VPS45: variants seen among roughly 807,000 people sequenced by gnomAD.
VPS45 encodes the protein vacuolar protein sorting 45 homolog, also known as vacuolar protein sorting-associated protein 45.
VPS45 carries 35 observed loss-of-function variants against 75.9 expected under a neutral mutation model. The observed-to-expected ratio is 0.46, with a 90% confidence interval of 0.35 to 0.61. The LOEUF (loss-of-function observed/expected upper bound fraction) is 0.61, where lower values mean the gene tolerates loss of function less well. Ranked by LOEUF, VPS45 falls within the 20% of genes least tolerant of loss-of-function variation. VPS45 has a pLI of 0.00. For synonymous variants in VPS45, 220 were observed against 238.2 expected, an observed-to-expected ratio of 0.92 and a Z score of 0.70; for missense variants, 559 against 685.9, an observed-to-expected ratio of 0.81 and a Z score of 2.07.
intron 14 of VPS45, among the ~76,000 whole-genome samples, chr1:150,111,821 T>C (rs587769357): frequency 6.6e-6 from 1 of 152,338 alleles, no homozygotes; most frequent in Non-Finnish European, 1.5e-5. Context: ...TACGTTTTAG[T>C]GTTTTCAGGC....
At chr1:150,120,255 C>A (rs1015956308) in intron 14 of VPS45, among the ~76,000 whole-genome samples, 5 of 152,258 alleles carry the variant, frequency 3.3e-5, no homozygotes, top group African/African-American at 1.2e-4. Flanking sequence ...CAGAAAATAA[C>A]AAGTACCCTT....
At chr1:150,111,112 A>G (rs1657626568) in intron 14 of VPS45, among the ~76,000 whole-genome samples, 1 of 152,234 alleles carries the variant, frequency 6.6e-6, no homozygotes. Flanking sequence ...AATAATCTAA[A>G]GATCCTACCT....
intron 2 of VPS45, among the ~76,000 whole-genome samples, chr1:150,070,664 C>A (rs1655009874): frequency 6.6e-6 from 1 of 150,446 alleles, no homozygotes; most frequent in Non-Finnish European, 1.5e-5. Context: ...AAAAAATTAG[C>A]CAGGCATGGT....
chr1:150,088,160 C>A, intron 10 of VPS45, among the ~76,000 whole-genome samples: 1 of 152,000 alleles, frequency 6.6e-6, no homozygotes, highest in East Asian at 1.9e-4. Flanking sequence ...CAATAGAACA[C>A]CAGAACATAT....
At chr1:150,089,900 C>T (rs1279078202) in intron 10 of VPS45, among the ~76,000 whole-genome samples, 1 of 151,916 alleles carries the variant, frequency 6.6e-6, no homozygotes, top group African/African-American at 2.4e-5. Context: ...CTTTTTGATC[C>T]CTTAAGGATG....
upstream of VPS45, chr1:150,067,542 G>GA (rs1346717960): frequency 1.5e-5 from 5 of 333,756 alleles, no homozygotes; most frequent in African/African-American, 6.4e-5. Flanking sequence ...GCTGCCGCTG[G>GA]GCCTCCAGCA....
At chr1:150,069,690 T>A (rs951506939) in intron 2 of VPS45, among the ~76,000 whole-genome samples, 2 of 152,126 alleles carry the variant, frequency 1.3e-5, no homozygotes, top group Non-Finnish European at 2.9e-5. Flanking sequence ...TCTCCTGACC[T>A]CATGATCCGC....
At chr1:150,140,223 C>G (rs1659312482) in intron 14 of VPS45, among the ~76,000 whole-genome samples, 1 of 152,160 alleles carries the variant, frequency 6.6e-6, no homozygotes, top group Admixed American at 6.5e-5. Flanking sequence ...GTTTTAAAAT[C>G]TCACACCACT....
At chr1:150,127,498 G>A (rs1658579638) in intron 14 of VPS45, among the ~76,000 whole-genome samples, 1 of 152,114 alleles carries the variant, frequency 6.6e-6, no homozygotes. Flanking sequence ...ATGTTGTCCA[G>A]ACTGGTCTCA....
chr1:150,114,689 A>G (rs190028526), intron 14 of VPS45, among the ~76,000 whole-genome samples: 6 of 152,066 alleles, frequency 3.9e-5, no homozygotes, highest in Non-Finnish European at 5.9e-5. Context: ...TGAGCCCAGG[A>G]ATTCAAGAGG....
intron 13 of VPS45, 139 bp from the exon 14 acceptor site, chr1:150,110,357 T>A (rs1553806933): frequency 2.4e-5 from 20 of 836,436 alleles, no homozygotes; most frequent in Middle Eastern, 4.0e-4. Flanking sequence ...AAACTTTTTT[T>A]AAACCTTTTA....
chr1:150,107,446 T>C (rs1278713378), intron 13 of VPS45, among the ~76,000 whole-genome samples: 1 of 152,240 alleles, frequency 6.6e-6, no homozygotes, highest in East Asian at 1.9e-4. Flanking sequence ...TTTTTGTGAC[T>C]GGACATCCAG....
In VPS45 at chr1:150,086,399, C is replaced by T. The variant is rs587658608; in HGVS notation, c.1104+3516C>T. ...TTAAGAGTATTATTATTTGATGGTA[C>T]ATTTAATTTTCTTAATGGCATCCAA... On this transcript the variant is annotated intron_variant, in intron 10 of 14. Coordinates refer to ENST00000644510, the MANE Select transcript of VPS45 (RefSeq NM_007259.5). Among the ~76,000 whole-genome samples the T allele has an allele frequency of 5.3e-5, 8 of 152,192 alleles. No individual in the cohort carries two copies. The South Asian group carries it at 1.2e-3, about 24-fold the overall frequency.
chr1:150,131,828 A>G (rs74315923), intron 14 of VPS45, among the ~76,000 whole-genome samples: 3,280 of 152,336 alleles, frequency 0.022, 97 homozygotes, highest in African/African-American at 0.074. Flanking sequence ...CCTGTGTGAC[A>G]GAGCAAGACT....
At chr1:150,099,176 C>T (rs1402240837) in intron 13 of VPS45, 8 of 546,060 alleles carry the variant, frequency 1.5e-5, no homozygotes, top group Non-Finnish European at 1.9e-5. Context: ...TTCCATGTAA[C>T]TTAACCACAT....
rs371572450 is a variant in VPS45 at position 150,092,029 on chromosome 1, C to A, written c.1197C>A (p.Ser399Arg). Residue 399 changes from serine (S) to arginine (R), a missense_variant, in exon 11 of 15, where the codon AGC (serine) becomes AGA (arginine). Coordinates refer to ENST00000644510, the MANE Select transcript of VPS45 (RefSeq NM_007259.5). Reference sequence around the variant, plus strand: ...ATGCTTTACATTATGAGCGACACAGCAGCAATAGCCTGCCAGGACTAATGA... The same window carrying A: ...ATGCTTTACATTATGAGCGACACAGAAGCAATAGCCTGCCAGGACTAATGA... ...MLYALHYERHSSNSLPGLMMD... is the reference protein window; with the variant it reads ...MLYALHYERHRSNSLPGLMMD... 138 of 1,613,940 alleles carry A rather than the reference C, an allele frequency of 8.6e-5. 1 individual carries two copies. Among genetic ancestry groups the A allele is most frequent in the Middle Eastern group, 1.6e-4 (1 of 6,084 alleles).
At position 150,101,735 on chromosome 1, in the gene VPS45, G is replaced by GA. The variant is rs34957236; in HGVS notation, c.1493+8099dup. Among the ~76,000 whole-genome samples, 1,014 of 140,830 alleles carry GA rather than the reference G, an allele frequency of 7.2e-3. 11 individuals carry two copies. The highest frequency in any genetic ancestry group is 0.024 in the African/African-American group (921 of 38,504). The allele number at this position is 140,830 out of a possible 152,430, so 92.4% of individuals were successfully genotyped here. On this transcript the variant is annotated intron_variant, in intron 13 of 14. Transcript: ENST00000644510. ...GGGCGACAGAGCAAGACTCCACCTT[G>GA]AAAAAAAAAAAAGTCAAAAATAACA...
intron 14 of VPS45, among the ~76,000 whole-genome samples, chr1:150,131,867 T>C (rs1658857913): frequency 1.3e-5 from 2 of 151,954 alleles, no homozygotes; most frequent in Admixed American, 1.3e-4. Flanking sequence ...AAATAAAAAT[T>C]ATCAATGTGT....
At position 150,084,111 on chromosome 1, in the gene VPS45, A is replaced by C. The variant is rs115283309; in HGVS notation, c.1104+1228A>C. 5.5e-3 allele frequency among the ~76,000 whole-genome samples: 835 copies of C among 152,342 alleles called. 4 individuals carry two copies. The highest frequency in any genetic ancestry group is 0.019 in the African/African-American group (794 of 41,576). ...GGGAAGGAGTTCAGCCAGGAGCAGC[A>C]AAAGCAAAGATGTAGAAATATGCAG... On this transcript the variant is annotated intron_variant, in intron 10 of 14. Coordinates refer to ENST00000644510, the MANE Select transcript of VPS45 (RefSeq NM_007259.5).
Sources: gnomAD v4.1 joint callset for allele counts (sites outside exome capture counted in the v4.1 genomes callset) on GRCh38, gnomAD v4.1.1 for gene constraint, MANE v1.5 for transcripts, NCBI Gene and HGNC (gene_info 2026-07-23, HGNC 2026-07-21) for gene names.